Variants in CSTF2 observed in about 807,000 individuals in gnomAD.
CSTF2 encodes CF-1 64 kDa subunit.
CSTF2 carries 8 observed loss-of-function variants against 45.4 expected under a neutral mutation model. That is an observed-to-expected ratio of 0.18 (90% confidence interval 0.10 to 0.32). CSTF2 has a LOEUF of 0.32. CSTF2 is among the 10% of genes least tolerant of loss of function. CSTF2 has a pLI of 1.00. For synonymous variants in CSTF2, 155 were observed against 158.9 expected (o/e 0.98, Z 0.18); for missense variants, 253 against 477.1 (o/e 0.53, Z 4.38).
chrX:100,834,963 A>G (rs1277631388), intron 11 of CSTF2, among the ~76,000 whole-genome samples: 1 of 112,052 alleles, frequency 8.9e-6, no homozygotes, highest in East Asian at 2.8e-4. Flanking sequence ...GGTTTATACC[A>G]TTTTTATTAG....
At chrX:100,829,279 C>T (rs1039753885) in intron 8 of CSTF2, among the ~76,000 whole-genome samples, 1 of 111,197 alleles carries the variant, frequency 9.0e-6, no homozygotes, top group Non-Finnish European at 1.9e-5. Flanking sequence ...TGCTTGAGCT[C>T]AGAGGTTTGA....
At chrX:100,826,454 T>G (rs1419437310) in intron 6 of CSTF2, among the ~76,000 whole-genome samples, 180 bp from the exon 7 acceptor site, 1 of 111,405 alleles carries the variant, frequency 9.0e-6, no homozygotes, top group Non-Finnish European at 1.9e-5. Flanking sequence ...TGACGTATAT[T>G]GCTTCTGTGG....
chrX:100,840,477 G>A (rs1187725377), intron 13 of CSTF2, among the ~76,000 whole-genome samples: 1 of 111,502 alleles, frequency 9.0e-6, no homozygotes, highest in Non-Finnish European at 1.9e-5. Context: ...CTTCCCAATA[G>A]CAACTAGTAC....
chrX:100,833,138 G>T (rs758032779), intron 10 of CSTF2, 42 bp from the exon 11 acceptor site: 65 of 1,161,563 alleles, frequency 5.6e-5, no homozygotes, highest in Admixed American at 9.5e-5. Flanking sequence ...TGCAGTACAT[G>T]CAAGTAGCTA....
At position 100,821,283 on chromosome X, in the gene CSTF2, C is replaced by G. The variant is rs180816111; in HGVS notation, c.59-244C>G. Among the ~76,000 whole-genome samples the G allele has an allele frequency of 6.3e-5, 7 of 111,924 alleles. No homozygotes were observed. In the Admixed American group the frequency reaches 6.6e-4, roughly 11 times the overall value. On this transcript the variant is annotated intron_variant, in intron 1 of 13. Transcript: ENST00000372972. ...ACCAGTGCCAAAGTATTTATTTGCA[C>G]CAAAGTTAAGGAAAATCTAACACGT...
chrX:100,834,586 G>A (rs2084996574), intron 11 of CSTF2, among the ~76,000 whole-genome samples: 1 of 112,258 alleles, frequency 8.9e-6, no homozygotes, highest in African/African-American at 3.2e-5. Flanking sequence ...GTTCTCTATT[G>A]TGTTTGAAGT....
chrX:100,835,875 C>T (rs1018091878), intron 11 of CSTF2, among the ~76,000 whole-genome samples: 8 of 111,316 alleles, frequency 7.2e-5, no homozygotes, highest in Non-Finnish European at 1.1e-4. Flanking sequence ...CAGATTAAAG[C>T]TTCAAAAAGA....
intron 9 of CSTF2, 49 bp downstream of exon 9, chrX:100,831,705 T>G (rs377608903): frequency 4.3e-6 from 5 of 1,174,007 alleles, no homozygotes; most frequent in Non-Finnish European, 5.8e-6. Context: ...GAATTGTCCC[T>G]TCTTCCCTGA....
At chrX:100,838,486 T>C in intron 13 of CSTF2, 122 bp downstream of exon 13, 2 of 603,170 alleles carry the variant, frequency 3.3e-6, no homozygotes, top group East Asian at 8.2e-5. Context: ...GCTAGACTCT[T>C]CTTTACCCTT....
At chrX:100,830,974 G>A (rs2084972245) in intron 8 of CSTF2, 1 of 665,697 alleles carries the variant, frequency 1.5e-6, no homozygotes, top group Non-Finnish European at 2.2e-6. Flanking sequence ...ACCCAAAAGG[G>A]TAGTGTTTTT....
intron 11 of CSTF2, among the ~76,000 whole-genome samples, chrX:100,835,920 CAT>C (rs1236750495): frequency 1.8e-5 from 2 of 111,412 alleles, no homozygotes; most frequent in East Asian, 5.6e-4. Context: ...GCTATAAACT[CAT>C]GTGACCAAAC....
At chrX:100,836,201 G>GT (rs2085007340) in intron 11 of CSTF2, among the ~76,000 whole-genome samples, 1 of 112,087 alleles carries the variant, frequency 8.9e-6, no homozygotes, top group Non-Finnish European at 1.9e-5. Context: ...ATTCTACCAA[G>GT]TTTTTTAACT....
At position 100,828,025 on chromosome X, in the gene CSTF2, C is replaced by T. The variant is rs2147889547; in HGVS notation, c.827-15C>T. On this transcript the variant is annotated splice_polypyrimidine_tract_variant and intron_variant, in intron 7 of 13. Coordinates refer to ENST00000372972, the MANE Select transcript of CSTF2 (RefSeq NM_001325.3). ...TCTAATTGGTGTTTTTTCTTGTCTG[C>T]CCTTTATCTTCTAGGAGGAATGCAG... 1 of 1,198,319 alleles carries T rather than the reference C, an allele frequency of 8.3e-7. No homozygotes were observed. The highest frequency in any genetic ancestry group is 3.0e-5 in the East Asian group (1 of 33,464).
Position 100,823,446 on chromosome X carries a change from G to A in CSTF2, c.444+18G>A. ...AAATGAAGGTGGGAGGAGGCATTAGGTTATGAATAAAGCAAATCACATCAG... is the reference window on the plus strand; with the variant it reads ...AAATGAAGGTGGGAGGAGGCATTAGATTATGAATAAAGCAAATCACATCAG... On this transcript the variant is annotated intron_variant, in intron 4 of 13. Coordinates refer to ENST00000372972, the MANE Select transcript of CSTF2 (RefSeq NM_001325.3). The A allele has an allele frequency of 8.3e-7, 1 of 1,208,316 alleles. No homozygotes were observed. The highest frequency in any genetic ancestry group is 2.2e-5 in the Admixed American group (1 of 45,742).
chrX:100,824,605 T>G (rs1410279559), intron 6 of CSTF2, among the ~76,000 whole-genome samples: 1 of 112,165 alleles, frequency 8.9e-6, no homozygotes, highest in Non-Finnish European at 1.9e-5. Flanking sequence ...ATCTCCATTC[T>G]TACTGATGAA....
Position 100,840,711 on chromosome X carries a change from C to T in CSTF2, c.*4-3C>T, listed in dbSNP as rs1315394440. On this transcript the variant is annotated splice_polypyrimidine_tract_variant and splice_region_variant and intron_variant, in intron 13 of 13. Coordinates refer to ENST00000372972, the MANE Select transcript of CSTF2 (RefSeq NM_001325.3). ...ATGGCTTTGTCCTAACTTCTTCTTACAGGTTTTCAAAAATACCTGGCAAGA... is the reference window on the plus strand; with the variant it reads ...ATGGCTTTGTCCTAACTTCTTCTTATAGGTTTTCAAAAATACCTGGCAAGA... The T allele has an allele frequency of 9.0e-6, 1 of 111,551 alleles. No individual in the cohort carries two copies. The highest frequency in any genetic ancestry group is 3.3e-5 in the African/African-American group (1 of 30,697). The allele number at this position is 111,551 out of a possible 1,213,427, so 9.2% of individuals were successfully genotyped here.
intron 6 of CSTF2, among the ~76,000 whole-genome samples, chrX:100,825,299 A>G (rs1263837973): frequency 9.0e-6 from 1 of 111,600 alleles, no homozygotes; most frequent in Non-Finnish European, 1.9e-5. Flanking sequence ...TATGATTTGT[A>G]TATCTGTAAT....
At chrX:100,835,157 CTG>C (rs1390089598) in intron 11 of CSTF2, among the ~76,000 whole-genome samples, 1 of 110,511 alleles carries the variant, frequency 9.0e-6, no homozygotes, top group Non-Finnish European at 1.9e-5. Flanking sequence ...TGCCAGCACT[CTG>C]GAGGCTGGGG....
At chrX:100,827,188 G>T (rs1461403744) in intron 7 of CSTF2, among the ~76,000 whole-genome samples, 2 of 111,588 alleles carry the variant, frequency 1.8e-5, no homozygotes, top group Admixed American at 9.5e-5. Context: ...GAAGAAAACA[G>T]ACAAAAAAAT....
Sources: allele counts gnomAD v4.1 joint callset (sites outside exome capture counted in the v4.1 genomes callset), GRCh38; gene constraint gnomAD v4.1.1; transcripts MANE v1.5; gene names NCBI Gene and HGNC (gene_info 2026-07-23, HGNC 2026-07-21).